The following TOP1 variants were observed in gnomAD, a reference collection of about 807,000 sequenced individuals.
The protein encoded by TOP1 is DNA topoisomerase 1.
In TOP1, 10 loss-of-function variants were observed where a neutral mutation model predicts 111.1. The ratio of observed to expected loss-of-function variants is 0.09; its 90% CI spans 0.06 to 0.15. The LOEUF is 0.15. TOP1 is among the 10% of genes least tolerant of loss of function. The pLI is 1.00. For missense variants in TOP1, 474 were observed against 926.7 expected, an observed-to-expected ratio of 0.51 and a Z score of 6.34; for synonymous variants, 271 against 302.9, an observed-to-expected ratio of 0.89 and a Z score of 1.10.
chr20:41,074,572 A>G (rs2033703752), intron 3 of TOP1, among the ~76,000 whole-genome samples: 2 of 151,836 alleles, frequency 1.3e-5, no homozygotes, highest in African/African-American at 2.4e-5. Flanking sequence ...TAGATTTCTT[A>G]AAGTTTCTGC....
rs767844946 is a variant in TOP1 at position 41,076,234 on chromosome 20, C to T, written c.219C>T (p.Ser73=). The T allele has an allele frequency of 6.3e-7, 1 of 1,599,506 alleles. No homozygotes were observed. Among genetic ancestry groups the T allele is most frequent in the East Asian group, 2.2e-5 (1 of 44,754 alleles). The change falls in exon 4 of 21, where the codon AGC becomes AGT. Residue 73 remains serine, a synonymous_variant. Transcript: ENST00000361337. ...AGAAGACCAAACACAAAGATGGAAG[C>T]TCAGAAAAGCATAAAGACAAACATA... ...EKEKTKHKDG[S]SEKHKDKHKD...
At position 41,061,450 on chromosome 20, in the gene TOP1, A is replaced by AAGAAGG. The variant is rs1167447191; in HGVS notation, c.123_128dup (p.Glu41_Lys42dup). Reference sequence around the variant, plus strand: ...TCGAGAACACCGGCACAAAGAACACAAGAAGGAGAAGGACCGGGAAAAGTC... The same window carrying AAGAAGG: ...TCGAGAACACCGGCACAAAGAACACAAGAAGGAGAAGGAGAAGGACCGGGAAAAGTC... On this transcript the variant is annotated inframe_insertion, in exon 3 of 21. Coordinates refer to ENST00000361337, the MANE Select transcript of TOP1 (RefSeq NM_003286.4). This position sits in a 1 kb window ranked among gnomAD's most constrained non-coding sequence, Gnocchi z 4.6. 6.2e-7 allele frequency: 1 copy of AAGAAGG among 1,612,738 alleles called. No individual in the cohort carries two copies. The highest frequency in any genetic ancestry group is 8.5e-7 in the Non-Finnish European group (1 of 1,179,302).
Position 41,054,926 on chromosome 20 carries a change from T to C in TOP1, c.59-6468T>C, listed in dbSNP as rs377289638. 5.3e-5 allele frequency among the ~76,000 whole-genome samples: 8 copies of C among 152,220 alleles called. No individual in the cohort carries two copies. The East Asian group carries it at 7.7e-4, about 15-fold the overall frequency. On this transcript the variant is annotated intron_variant, in intron 2 of 20. Coordinates refer to ENST00000361337, the MANE Select transcript of TOP1 (RefSeq NM_003286.4). ...AGGAAAAGACAGAGACACTTTCCTT[T>C]TGTCTGTCGGAAGCTTCTTTACTTA...
At position 41,030,267 on chromosome 20, in the gene TOP1, G is replaced by C. The variant is rs2122579878; in HGVS notation, c.58+812G>C. ...CATTGTGGTCGAGGTTCCCAATGCA[G>C]TGTTTTTCTGGAAACGCAGTTTAGT... On this transcript the variant is annotated intron_variant, in intron 2 of 20. Transcript: ENST00000361337. This position sits in a 1 kb window ranked among gnomAD's most constrained non-coding sequence, Gnocchi z 4.1. Among the ~76,000 whole-genome samples the C allele has an allele frequency of 6.6e-6, 1 of 152,300 alleles. No individual in the cohort carries two copies. Among genetic ancestry groups the C allele is most frequent in the South Asian group, 2.1e-4 (1 of 4,828 alleles).
intron 11 of TOP1, among the ~76,000 whole-genome samples, chr20:41,099,469 CTTAG>C (rs1200156162): frequency 2.0e-5 from 3 of 152,296 alleles, no homozygotes; most frequent in Admixed American, 6.5e-5. Context: ...GGCAGCACAA[CTTAG>C]TTAAACTGAA....
intron 2 of TOP1, among the ~76,000 whole-genome samples, chr20:41,056,216 G>T (rs1183347587): frequency 1.3e-5 from 2 of 152,154 alleles, no homozygotes; most frequent in African/African-American, 4.8e-5. Context: ...TATCTCTACA[G>T]TTTCCCTTTC....
chr20:41,056,822 C>T (rs1488268190), intron 2 of TOP1, among the ~76,000 whole-genome samples: 1 of 152,092 alleles, frequency 6.6e-6, no homozygotes, highest in Non-Finnish European at 1.5e-5. Context: ...AGATCTTTGA[C>T]CTAGGTCTTA....
chr20:41,115,930 T>C lies in TOP1; in HGVS notation c.1708-348T>C, dbSNP rs1170979239. ...CCTGGGCAACATGGCAAAACCATTA[T>C]CCAGGTGTGGTAGTCCACACCTGTA... is the stretch of plus-strand genomic sequence containing the variant. On this transcript the variant is annotated intron_variant, in intron 16 of 20. Transcript: ENST00000361337. This position sits in a 1 kb window ranked among gnomAD's most constrained non-coding sequence, Gnocchi z 6.3. 6.6e-6 allele frequency among the ~76,000 whole-genome samples: 1 copy of C among 152,142 alleles called. No homozygotes were observed. Among genetic ancestry groups the C allele is most frequent in the Non-Finnish European group, 1.5e-5 (1 of 68,016 alleles).
intron 3 of TOP1, among the ~76,000 whole-genome samples, chr20:41,074,347 G>C (rs2033700537): frequency 6.6e-6 from 1 of 152,182 alleles, no homozygotes; most frequent in South Asian, 2.1e-4. Context: ...TGCAAATCCA[G>C]TGTGCTCTGT....
rs2145953221 is a variant in TOP1, at chr20:41,101,373, C to T, written c.1308+20C>T. 1 of 1,611,250 alleles carries T rather than the reference C, an allele frequency of 6.2e-7. No individual in the cohort carries two copies. The highest frequency in any genetic ancestry group is 8.5e-7 in the Non-Finnish European group (1 of 1,177,718). On this transcript the variant is annotated intron_variant, in intron 13 of 20. Transcript: ENST00000361337. The surrounding 1 kb of genome is among the most constrained non-coding windows in gnomAD (Gnocchi z 4.1). ...ATCAAGGTAAGGGGATAGTTGAGAG[C>T]TGCACTGGTTCATGGTGCTGATAAC... is the stretch of plus-strand genomic sequence containing the variant.
At chr20:41,065,342 C>T (rs957444945) in intron 3 of TOP1, among the ~76,000 whole-genome samples, 2 of 152,214 alleles carry the variant, frequency 1.3e-5, no homozygotes, top group African/African-American at 2.4e-5. Context: ...TTCTCACGTA[C>T]TCTTAATCTT....
intron 2 of TOP1, among the ~76,000 whole-genome samples, chr20:41,042,889 T>C (rs1400010198): frequency 2.0e-5 from 3 of 152,202 alleles, no homozygotes; most frequent in South Asian, 2.1e-4. Context: ...AGAGAAAATA[T>C]ATTTACCATT....
chr20:41,073,184 T>TGTA, intron 3 of TOP1: 3 of 985,262 alleles, frequency 3.0e-6, no homozygotes, highest in Middle Eastern at 1.0e-3. Flanking sequence ...CATGTACACT[T>TGTA]GTAGGTACCT....
At position 41,095,318 on chromosome 20, in the gene TOP1, T is replaced by C. The variant is rs2033968409; in HGVS notation, c.731-1902T>C. On this transcript the variant is annotated intron_variant, in intron 9 of 20. Coordinates refer to ENST00000361337, the MANE Select transcript of TOP1 (RefSeq NM_003286.4). The surrounding 1 kb of genome is among the most constrained non-coding windows in gnomAD (Gnocchi z 4.6). ...TGCACCGCCTCCTAAAGTGCTGGGA[T>C]TACAGATGTGAACCACCATGCTCAG... 6.6e-6 allele frequency among the ~76,000 whole-genome samples: 1 copy of C among 152,224 alleles called. No individual in the cohort carries two copies. Among genetic ancestry groups the C allele is most frequent in the Non-Finnish European group, 1.5e-5 (1 of 68,032 alleles).
At position 41,030,585 on chromosome 20, in the gene TOP1, A is replaced by G. The variant is rs891975097; in HGVS notation, c.58+1130A>G. Among the ~76,000 whole-genome samples the G allele has an allele frequency of 3.9e-5, 6 of 152,124 alleles. No homozygotes were observed. The highest frequency in any genetic ancestry group is 1.4e-4 in the African/African-American group (6 of 41,412). ...GTTACCCAGGGAAGAGTCCTCCAAT[A>G]AAAAGCTCATCCTTGCAGGCTTTCG... On this transcript the variant is annotated intron_variant, in intron 2 of 20. Coordinates refer to ENST00000361337, the MANE Select transcript of TOP1 (RefSeq NM_003286.4). This position sits in a 1 kb window ranked among gnomAD's most constrained non-coding sequence, Gnocchi z 4.1.
chr20:41,087,103 G>A (rs760708411), intron 8 of TOP1, among the ~76,000 whole-genome samples: 1 of 152,154 alleles, frequency 6.6e-6, no homozygotes, highest in East Asian at 1.9e-4. Flanking sequence ...TCGTAAGTCC[G>A]CAGACCTGTT....
At chr20:41,107,954 A>G (rs1371081183) in intron 13 of TOP1, among the ~76,000 whole-genome samples, 1 of 152,192 alleles carries the variant, frequency 6.6e-6, no homozygotes, top group East Asian at 1.9e-4. Context: ...TCAGCCTCCC[A>G]AAGTGCTGGG....
At chr20:41,075,332 C>T (rs1161216310) in intron 3 of TOP1, among the ~76,000 whole-genome samples, 8 of 152,104 alleles carry the variant, frequency 5.3e-5, no homozygotes, top group South Asian at 2.1e-4. Flanking sequence ...CCACCACGCC[C>T]GGCTAATTTT....
rs6102247 is a variant in TOP1 at position 41,028,836 on chromosome 20, G to A, written c.-232G>A. 12 of 525,660 alleles carry A rather than the reference G, an allele frequency of 2.3e-5. No homozygotes were observed. Among genetic ancestry groups the A allele is most frequent in the Admixed American group, 1.2e-4 (3 of 24,984 alleles). The allele number at this position is 525,660 out of a possible 1,614,324, so 32.6% of individuals were successfully genotyped here. A position where few individuals can be genotyped will look rare whatever the true frequency, so the allele number is the denominator to read the frequency against. The stretch of plus-strand genomic sequence containing the variant: ...CGCAGTGAGCCCAAATGCGAACTTA[G>A]GCTGTTACACAACTGCTGGGGTCTG... On this transcript the variant is annotated 5_prime_UTR_variant, in exon 1 of 21. An upstream open reading frame in the 5' UTR loses its in-frame stop. Coordinates refer to ENST00000361337, the MANE Select transcript of TOP1 (RefSeq NM_003286.4).
Sources: gnomAD v4.1 joint callset for allele counts (sites outside exome capture counted in the v4.1 genomes callset) on GRCh38, gnomAD v4.1.1 for gene constraint, Gnocchi (gnomAD v3.1) non-coding constraint, MANE v1.5 for transcripts, NCBI Gene and HGNC (gene_info 2026-07-23, HGNC 2026-07-21) for gene names.